RCAN2: variants seen among roughly 807,000 people sequenced by gnomAD.
The protein encoded by RCAN2 is calcipressin-2.
A neutral mutation model predicts 23.6 loss-of-function variants in RCAN2; 9 were observed. The ratio of observed to expected loss-of-function variants is 0.38; its 90% confidence interval spans 0.23 to 0.67. The LOEUF is 0.67. Among genes scored for constraint, RCAN2 ranks in the 30% least tolerant of loss-of-function variants. The probability of loss-of-function intolerance (pLI) is 0.51; values close to 1 mark genes in which losing one functional copy is unlikely to be tolerated. For synonymous variants in RCAN2, 109 were observed against 115.7 expected, an observed-to-expected ratio of 0.94 and a Z score of 0.37; for missense variants, 273 against 302.3, an observed-to-expected ratio of 0.90 and a Z score of 0.72.
At chr6:46,344,760 AT>A in intron 2 of RCAN2, among the ~76,000 whole-genome samples, 1 of 152,174 alleles carries the variant, frequency 6.6e-6, no homozygotes, top group East Asian at 1.9e-4. Context: ...ACTAAAAAAA[AT>A]GTGTTTACCC....
At chr6:46,357,336 A>T (rs1764863191) in intron 2 of RCAN2, among the ~76,000 whole-genome samples, 1 of 152,246 alleles carries the variant, frequency 6.6e-6, no homozygotes, top group Non-Finnish European at 1.5e-5. Context: ...ATTAAAATTC[A>T]AATGGAAATT....
At chr6:46,371,024 A>G (rs1026031261) in intron 2 of RCAN2, among the ~76,000 whole-genome samples, 3 of 152,198 alleles carry the variant, frequency 2.0e-5, no homozygotes, top group Non-Finnish European at 4.4e-5. Context: ...AGATTTGGGG[A>G]GTAGAAGGGG....
At chr6:46,341,619 A>T (rs1764319425) in intron 2 of RCAN2, among the ~76,000 whole-genome samples, 1 of 152,028 alleles carries the variant, frequency 6.6e-6, no homozygotes, top group Non-Finnish European at 1.5e-5. Flanking sequence ...CAACATGGTG[A>T]GACCCCCATC....
rs572629643 is a variant in RCAN2 at position 46,292,841 on chromosome 6, T to C, written c.226-43945A>G. On this transcript the variant is annotated intron_variant, in intron 2 of 4. Coordinates refer to ENST00000371374, the MANE Select transcript of RCAN2 (RefSeq NM_001251974.2). ...GCACACATCAACCCGTCATCTACAT[T>C]AGGTATTTCTCCTAACGCTATCCCT... Among the ~76,000 whole-genome samples, 3 of 152,282 alleles carry C rather than the reference T, an allele frequency of 2.0e-5. No individual in the cohort carries two copies. The East Asian group carries it at 5.8e-4, about 29-fold the overall frequency.
chr6:46,255,302 A>ATAAC (rs752090540), intron 2 of RCAN2, among the ~76,000 whole-genome samples: 4 of 152,088 alleles, frequency 2.6e-5, no homozygotes, highest in Non-Finnish European at 5.9e-5. Flanking sequence ...ACATGAAGGA[A>ATAAC]TAACTTGAAA....
intron 2 of RCAN2, among the ~76,000 whole-genome samples, chr6:46,336,953 C>CAAAA (rs3084607): frequency 0.38 from 49,567 of 129,404 alleles, 10,195 homozygotes; most frequent in East Asian, 0.57. Flanking sequence ...TTGGAAGTAC[C>CAAAA]AAAAAAAAAA....
At chr6:46,346,368 G>A (rs760227714) in intron 2 of RCAN2, among the ~76,000 whole-genome samples, 37 of 151,940 alleles carry the variant, frequency 2.4e-4, no homozygotes, top group Non-Finnish European at 4.7e-4. Context: ...ATTTTATAAG[G>A]GCAGCATAAT....
chr6:46,291,492 C>T (rs1375416953), intron 2 of RCAN2, among the ~76,000 whole-genome samples: 3 of 151,910 alleles, frequency 2.0e-5, no homozygotes, highest in African/African-American at 7.3e-5. Flanking sequence ...ACTTCACCCT[C>T]AGGGATTTCC....
chr6:46,255,260 A>ATG (rs1055981392), intron 2 of RCAN2, among the ~76,000 whole-genome samples: 40 of 151,460 alleles, frequency 2.6e-4, no homozygotes, highest in South Asian at 1.7e-3. Flanking sequence ...GTGTGTGTGT[A>ATG]TGTGTGTGTG....
chr6:46,379,309 T>C (rs960052976), intron 2 of RCAN2, among the ~76,000 whole-genome samples: 5 of 152,208 alleles, frequency 3.3e-5, no homozygotes, highest in African/African-American at 1.2e-4. Context: ...TGCCAGTCTC[T>C]GAAAATGATT....
chr6:46,232,690 G>T (rs763642098), intron 4 of RCAN2, among the ~76,000 whole-genome samples: 4 of 151,512 alleles, frequency 2.6e-5, no homozygotes, highest in Non-Finnish European at 4.4e-5. Context: ...CTACTGCGGA[G>T]GCTGAGGCAT....
intron 2 of RCAN2, among the ~76,000 whole-genome samples, chr6:46,263,471 G>A (rs12205843): frequency 0.73 from 101,812 of 139,896 alleles, 36,734 homozygotes; most frequent in Non-Finnish European, 0.8. Context: ...GTGTGTGTGT[G>A]TGTATGTGTG....
At chr6:46,416,066 A>G (rs1024425331) in intron 2 of RCAN2, among the ~76,000 whole-genome samples, 9 of 152,204 alleles carry the variant, frequency 5.9e-5, no homozygotes, top group Non-Finnish European at 1.2e-4. Flanking sequence ...TTCAGTACAG[A>G]CACAGTATTT....
At chr6:46,256,811 C>T (rs1371896321) in intron 2 of RCAN2, among the ~76,000 whole-genome samples, 1 of 152,188 alleles carries the variant, frequency 6.6e-6, no homozygotes, top group Non-Finnish European at 1.5e-5. Flanking sequence ...TAGAAACATA[C>T]ATTGAAGCCA....
intron 2 of RCAN2, among the ~76,000 whole-genome samples, chr6:46,390,912 G>C (rs1765913608): frequency 1.3e-5 from 2 of 152,168 alleles, no homozygotes; most frequent in African/African-American, 2.4e-5. Flanking sequence ...GTGCCCAGTA[G>C]ACTACTTGGG....
At chr6:46,405,996 G>A (rs2150405461) in intron 2 of RCAN2, among the ~76,000 whole-genome samples, 1 of 152,358 alleles carries the variant, frequency 6.6e-6, no homozygotes, top group Admixed American at 6.5e-5. Flanking sequence ...ACCCTCCGCA[G>A]CCACTGGCCC....
At chr6:46,339,722 A>G (rs1391584459) in intron 2 of RCAN2, among the ~76,000 whole-genome samples, 2 of 152,156 alleles carry the variant, frequency 1.3e-5, no homozygotes, top group African/African-American at 4.8e-5. Context: ...TCTGCAAATA[A>G]TATGTGGCCG....
intron 1 of RCAN2, among the ~76,000 whole-genome samples, chr6:46,475,955 T>C (rs944276081): frequency 6.6e-6 from 1 of 152,230 alleles, no homozygotes; most frequent in Non-Finnish European, 1.5e-5. Context: ...TCATGGACTC[T>C]GTTTTAAAAT....
chr6:46,322,627 G>C lies in RCAN2; in HGVS notation c.226-73731C>G, dbSNP rs993047224. Among the ~76,000 whole-genome samples, 7 of 152,230 alleles carry C rather than the reference G, an allele frequency of 4.6e-5. 1 individual carries two copies. Among genetic ancestry groups the C allele is most frequent in the Non-Finnish European group, 1.5e-5 (1 of 68,036 alleles). ...TTGCATCCCCCTAGTATGGCTGCTT[G>C]CCCATGGGGGCTACATGTAGAAAGT... On this transcript the variant is annotated intron_variant, in intron 2 of 4. Transcript: ENST00000371374.
Sources: allele counts gnomAD v4.1 joint callset (sites outside exome capture counted in the v4.1 genomes callset), GRCh38; gene constraint gnomAD v4.1.1; transcripts MANE v1.5; gene names NCBI Gene and HGNC (gene_info 2026-07-23, HGNC 2026-07-21).